Variants in CALD1 observed in about 807,000 individuals in gnomAD.
CALD1 encodes caldesmon 1, also known as caldesmon.
A neutral mutation model predicts 99.9 loss-of-function variants in CALD1; 33 were observed. The observed-to-expected ratio is 0.33, with a 90% CI of 0.25 to 0.44. CALD1 has a LOEUF of 0.44. Among genes scored for constraint, CALD1 ranks in the 20% least tolerant of loss-of-function variants. CALD1 has a pLI of 1.00. For synonymous variants in CALD1, 310 were observed against 325.0 expected, an observed-to-expected ratio of 0.95 and a Z score of 0.50; for missense variants, 861 against 962.1, an observed-to-expected ratio of 0.89 and a Z score of 1.39.
chr7:134,917,219 A>G (rs1804278001), intron 3 of CALD1, among the ~76,000 whole-genome samples: 1 of 152,226 alleles, frequency 6.6e-6, no homozygotes, highest in African/African-American at 2.4e-5. Context: ...CACATCTACG[A>G]TGCACATTAA....
chr7:134,789,908 G>A (rs1797455326), intron 1 of CALD1, among the ~76,000 whole-genome samples: 1 of 151,868 alleles, frequency 6.6e-6, no homozygotes, highest in Admixed American at 6.6e-5. Flanking sequence ...TTACCTGCTT[G>A]CCCTTATCAA....
chr7:134,919,619 G>A (rs908532844), intron 3 of CALD1, among the ~76,000 whole-genome samples: 1 of 152,188 alleles, frequency 6.6e-6, no homozygotes, highest in African/African-American at 2.4e-5. Flanking sequence ...TCTCAAATAT[G>A]TCTATGTATG....
chr7:134,933,742 G>A lies in CALD1; in HGVS notation c.973G>A (p.Ala325Thr), dbSNP rs1388047889. ...ERMREEEKRA[A>T]EERQRIKEEE... ...GATGAGGGAGGAAGAGAAAAGGGCA[G>A]CAGAGGAGAGGCAGAGGATAAAGGA... The change falls in exon 5 of 15, where the codon GCA becomes ACA. Residue 325 changes from alanine to threonine, a missense_variant. Physicochemically the swap from Ala to Thr is moderately conservative, Grantham distance 58. Around this residue, in one of 5 missense-constraint regions of CALD1, gnomAD observed 234 missense variants for 233.1 expected, o/e 1.00. Transcript: ENST00000361675. The A allele has an allele frequency of 6.4e-7, 1 of 1,555,854 alleles. No homozygotes were observed. Among genetic ancestry groups the A allele is most frequent in the African/African-American group, 1.4e-5 (1 of 73,146 alleles).
intron 3 of CALD1, among the ~76,000 whole-genome samples, chr7:134,926,475 A>G (rs1805029052): frequency 1.3e-5 from 2 of 152,232 alleles, no homozygotes; most frequent in Admixed American, 6.5e-5. Flanking sequence ...TGAGGATTGC[A>G]CATGAGCAGA....
intron 6 of CALD1, among the ~76,000 whole-genome samples, chr7:134,940,609 G>A (rs1439309238): frequency 6.6e-6 from 1 of 152,282 alleles, no homozygotes; most frequent in African/African-American, 2.4e-5. Flanking sequence ...GCCAGAGTTG[G>A]TTTGGCAGAT....
At chr7:134,901,572 A>G (rs1803002805) in intron 3 of CALD1, among the ~76,000 whole-genome samples, 1 of 152,098 alleles carries the variant, frequency 6.6e-6, no homozygotes, top group Admixed American at 6.5e-5. Flanking sequence ...CTTTGCTTGT[A>G]AAGTACAAAG....
At chr7:134,746,852 T>C (rs1796639023) in intron 1 of CALD1, among the ~76,000 whole-genome samples, 1 of 152,260 alleles carries the variant, frequency 6.6e-6, no homozygotes, top group African/African-American at 2.4e-5. Context: ...TAGTGTTTTG[T>C]GGAAGGTAGA....
At chr7:134,795,525 T>C (rs956027394) in intron 1 of CALD1, among the ~76,000 whole-genome samples, 4 of 152,222 alleles carry the variant, frequency 2.6e-5, no homozygotes, top group Admixed American at 6.5e-5. Context: ...AACAGACTAA[T>C]ACAACAGTGA....
intron 7 of CALD1, among the ~76,000 whole-genome samples, chr7:134,947,029 T>C (rs930629599): frequency 5.3e-5 from 8 of 152,194 alleles, no homozygotes; most frequent in Non-Finnish European, 1.0e-4. Flanking sequence ...ATGGTATGGC[T>C]AGACCACCTT....
intron 1 of CALD1, among the ~76,000 whole-genome samples, chr7:134,811,695 T>C (rs1316453198): frequency 6.6e-6 from 1 of 152,220 alleles, no homozygotes; most frequent in Non-Finnish European, 1.5e-5. Context: ...GTGTCTTTAA[T>C]GGGCTATTTT....
chr7:134,847,323 A>G (rs914677441), intron 2 of CALD1, among the ~76,000 whole-genome samples: 16 of 152,144 alleles, frequency 1.1e-4, no homozygotes, highest in African/African-American at 3.6e-4. Context: ...AGGTGGGCCC[A>G]AGCTTTTTAT....
At chr7:134,795,737 T>A (rs983728508) in intron 1 of CALD1, among the ~76,000 whole-genome samples, 1 of 152,188 alleles carries the variant, frequency 6.6e-6, no homozygotes, top group African/African-American at 2.4e-5. Context: ...TTGTGCTTTA[T>A]CCATGGTGGC....
chr7:134,755,630 G>T (rs1796721060), intron 1 of CALD1, among the ~76,000 whole-genome samples: 1 of 152,184 alleles, frequency 6.6e-6, no homozygotes, highest in South Asian at 2.1e-4. Context: ...GTGGTGTACA[G>T]TACACAGCCT....
chr7:134,875,169 A>G (rs1297796561), intron 3 of CALD1, among the ~76,000 whole-genome samples: 1 of 152,218 alleles, frequency 6.6e-6, no homozygotes, highest in Non-Finnish European at 1.5e-5. Context: ...AGGGGACAAA[A>G]GAAAGTTAGA....
chr7:134,928,281 T>G (rs1320154047), intron 3 of CALD1, among the ~76,000 whole-genome samples: 1 of 151,840 alleles, frequency 6.6e-6, no homozygotes, highest in African/African-American at 2.4e-5. Flanking sequence ...ATACAAAAAT[T>G]AGCTGGGCAT....
At position 134,868,570 on chromosome 7, in the gene CALD1, T is replaced by A. The variant is rs548244639; in HGVS notation, c.71+766T>A. On this transcript the variant is annotated intron_variant, in intron 3 of 14. Coordinates refer to ENST00000361675, the MANE Select transcript of CALD1 (RefSeq NM_033138.4). ...ACAATGACCTTAAAATCAAATCGAT[T>A]TTTTTCCCAGTAACTCCAATGCTCA... 9.9e-5 allele frequency among the ~76,000 whole-genome samples: 15 copies of A among 152,282 alleles called. No homozygotes were observed. In the South Asian group the frequency reaches 3.1e-3, roughly 32 times the overall value.
At chr7:134,851,343 A>G (rs1800073218) in intron 2 of CALD1, among the ~76,000 whole-genome samples, 1 of 152,188 alleles carries the variant, frequency 6.6e-6, no homozygotes, top group Non-Finnish European at 1.5e-5. Flanking sequence ...AAGGAAGTGA[A>G]ATATGAGTCA....
intron 1 of CALD1, among the ~76,000 whole-genome samples, chr7:134,787,364 G>A (rs925821315): frequency 5.9e-5 from 9 of 152,266 alleles, no homozygotes; most frequent in East Asian, 3.9e-4. Context: ...TTTAGGCTTA[G>A]GGGGAGGGGT....
chr7:134,749,604 A>C (rs1585896690), intron 1 of CALD1, among the ~76,000 whole-genome samples: 1 of 152,298 alleles, frequency 6.6e-6, no homozygotes, highest in East Asian at 1.9e-4. Context: ...AAAGAGCGAA[A>C]AAAAGCAAGG....
Sources: allele counts gnomAD v4.1 joint callset (sites outside exome capture counted in the v4.1 genomes callset), GRCh38; gene constraint gnomAD v4.1.1; regional missense constraint gnomAD v4.1.1; transcripts MANE v1.5; gene names NCBI Gene and HGNC (gene_info 2026-07-23, HGNC 2026-07-21).